The following CNBD1 variants were observed in gnomAD, a reference collection of about 807,000 sequenced individuals.
CNBD1 encodes the protein cyclic nucleotide binding domain containing 1, also known as cyclic nucleotide-binding domain-containing protein 1.
A neutral mutation model predicts 54.4 loss-of-function variants in CNBD1; 71 were observed. The ratio of observed to expected loss-of-function variants is 1.30; its 90% CI spans 1.08 to 1.59. The LOEUF (loss-of-function observed/expected upper bound fraction) is 1.59. Among genes scored for constraint, CNBD1 ranks in the 40% most tolerant of loss-of-function variants. The pLI, the probability that CNBD1 is intolerant of heterozygous loss-of-function variation, is 0.00. For synonymous variants in CNBD1, 182 were observed against 170.7 expected (o/e 1.07, Z -0.51); for missense variants, 659 against 518.0 (o/e 1.27, Z -2.64).
Position 87,382,736 on chromosome 8 carries a change from T to G in CNBD1, c.*109T>G. On this transcript the variant is annotated 3_prime_UTR_variant, in exon 11 of 11. Transcript: ENST00000518476. ...TACCAGCAATGAATTTGGTCTATTGTGACTACATATCCTGGATTCCCCAGG... is the reference window on the plus strand; with the variant it reads ...TACCAGCAATGAATTTGGTCTATTGGGACTACATATCCTGGATTCCCCAGG... 2 of 757,728 alleles carry G rather than the reference T, an allele frequency of 2.6e-6. No individual in the cohort carries two copies. The highest frequency in any genetic ancestry group is 2.1e-6 in the Non-Finnish European group (1 of 476,260). 46.9% of individuals were successfully genotyped at this position (757,728 alleles called of 1,614,324 possible). A position where few individuals can be genotyped will look rare whatever the true frequency, so the allele number is the denominator to read the frequency against.
intron 4 of CNBD1, among the ~76,000 whole-genome samples, chr8:86,944,505 G>T (rs1467861189): frequency 6.6e-6 from 1 of 152,160 alleles, no homozygotes; most frequent in Non-Finnish European, 1.5e-5. Flanking sequence ...AGGAGAGAGA[G>T]ACAATTAAAT....
At chr8:87,415,529 C>T (rs1194154842) in intron 2 of CNBD1, among the ~76,000 whole-genome samples, 2 of 152,010 alleles carry the variant, frequency 1.3e-5, no homozygotes, top group Non-Finnish European at 2.9e-5. Context: ...CTCATCATGA[C>T]ACTACAGTAT....
intron 4 of CNBD1, among the ~76,000 whole-genome samples, chr8:86,971,764 T>C (rs569957673): frequency 1.3e-5 from 2 of 152,116 alleles, no homozygotes; most frequent in African/African-American, 2.4e-5. Context: ...TGTTAGGATA[T>C]GTAAAAGCTA....
intron 8 of CNBD1, among the ~76,000 whole-genome samples, chr8:87,324,964 A>T (rs1809636213): frequency 9.6e-6 from 1 of 103,830 alleles, no homozygotes; most frequent in Non-Finnish European, 2.0e-5. Flanking sequence ...CCCTCTACAC[A>T]CTGCTTTGAA....
At chr8:86,912,476 A>G (rs928482235) in intron 3 of CNBD1, among the ~76,000 whole-genome samples, 6 of 152,194 alleles carry the variant, frequency 3.9e-5, no homozygotes, top group Non-Finnish European at 5.9e-5. Flanking sequence ...AAAATTACCT[A>G]TCACTCAGGG....
At chr8:86,893,337 T>C (rs1808800865) in intron 2 of CNBD1, among the ~76,000 whole-genome samples, 1 of 152,226 alleles carries the variant, frequency 6.6e-6, no homozygotes, top group South Asian at 2.1e-4. Flanking sequence ...TACACATTTA[T>C]AGTTATTACC....
rs140550081 is a variant in CNBD1 at position 86,963,958 on chromosome 8, G to A, written c.431+24204G>A. Among the ~76,000 whole-genome samples, 1,492 of 152,306 alleles carry A rather than the reference G, an allele frequency of 9.8e-3. 18 individuals are homozygous for A. The highest frequency in any genetic ancestry group is 0.026 in the African/African-American group (1,099 of 41,564). On this transcript the variant is annotated intron_variant, in intron 4 of 10. Transcript: ENST00000518476. Reference sequence around the variant, plus strand: ...TCTACATTTGCAGCAGTTGACAGGTGCATTGTGAGGACTCTGAGGTTTGTG... The same window carrying A: ...TCTACATTTGCAGCAGTTGACAGGTACATTGTGAGGACTCTGAGGTTTGTG...
At chr8:87,296,901 C>T (rs953443844) in intron 8 of CNBD1, among the ~76,000 whole-genome samples, 2 of 151,806 alleles carry the variant, frequency 1.3e-5, no homozygotes, top group South Asian at 2.1e-4. Flanking sequence ...ATAAGGCCAG[C>T]GTGGTGGCTC....
intron 4 of CNBD1, among the ~76,000 whole-genome samples, chr8:86,978,274 C>A (rs1377960710): frequency 6.6e-6 from 1 of 152,042 alleles, no homozygotes; most frequent in African/African-American, 2.4e-5. Context: ...TCTATGTTGA[C>A]TTTTATGTGT....
chr8:87,237,876 C>G (rs201314723), intron 6 of CNBD1, among the ~76,000 whole-genome samples: 1 of 151,938 alleles, frequency 6.6e-6, no homozygotes, highest in African/African-American at 2.4e-5. Flanking sequence ...TAAAAATGAA[C>G]AAGCCTATAA....
chr8:86,942,883 A>C (rs894418168), intron 4 of CNBD1, among the ~76,000 whole-genome samples: 1 of 152,154 alleles, frequency 6.6e-6, no homozygotes, highest in Non-Finnish European at 1.5e-5. Flanking sequence ...ATTCAATTAA[A>C]ATCTATTTAT....
At chr8:87,298,834 A>G (rs1234978104) in intron 8 of CNBD1, among the ~76,000 whole-genome samples, 2 of 152,106 alleles carry the variant, frequency 1.3e-5, no homozygotes, top group Non-Finnish European at 2.9e-5. Flanking sequence ...GTAAGGGAAA[A>G]ATCAGCATTT....
At chr8:87,115,731 T>C (rs199769731) in intron 4 of CNBD1, among the ~76,000 whole-genome samples, 7 of 152,352 alleles carry the variant, frequency 4.6e-5, no homozygotes, top group South Asian at 2.1e-4. Context: ...TTTCACCTAC[T>C]GAGTACTATC....
At chr8:87,286,010 A>C (rs940102877) in intron 7 of CNBD1, among the ~76,000 whole-genome samples, 7 of 152,120 alleles carry the variant, frequency 4.6e-5, no homozygotes, top group Admixed American at 2.6e-4. Flanking sequence ...GCTCATGTGG[A>C]GTGGTGTTGA....
chr8:87,172,561 T>TA (rs1211472696), intron 4 of CNBD1, among the ~76,000 whole-genome samples: 1 of 152,144 alleles, frequency 6.6e-6, no homozygotes, highest in Non-Finnish European at 1.5e-5. Context: ...GCTCCAATGT[T>TA]ACGTGTATAT....
chr8:87,275,670 G>T (rs572042550), intron 6 of CNBD1, among the ~76,000 whole-genome samples: 1,603 of 151,624 alleles, frequency 0.011, 12 homozygotes, highest in Non-Finnish European at 0.015. Flanking sequence ...CACAAGACAG[G>T]GATGCCCTCT....
chr8:87,410,246 C>T (rs762322939), intron 2 of CNBD1, among the ~76,000 whole-genome samples: 6 of 152,032 alleles, frequency 3.9e-5, no homozygotes, highest in Non-Finnish European at 7.4e-5. Context: ...TATTCTATAG[C>T]CCAAGGATTG....
intron 4 of CNBD1, among the ~76,000 whole-genome samples, chr8:87,076,300 G>A (rs1304707710): frequency 6.6e-6 from 1 of 152,104 alleles, no homozygotes; most frequent in East Asian, 1.9e-4. Context: ...TGGATGATAT[G>A]GTAATAGGGC....
chr8:87,203,330 G>A (rs1813902759), intron 4 of CNBD1, among the ~76,000 whole-genome samples: 2 of 152,010 alleles, frequency 1.3e-5, no homozygotes, highest in African/African-American at 4.8e-5. Flanking sequence ...TTGTATATGT[G>A]TTTATATATG....
Sources: gnomAD v4.1 joint callset for allele counts (sites outside exome capture counted in the v4.1 genomes callset) on GRCh38, gnomAD v4.1.1 for gene constraint, MANE v1.5 for transcripts, NCBI Gene and HGNC (gene_info 2026-07-23, HGNC 2026-07-21) for gene names.